The following CCDC66 variants were observed in gnomAD, a reference collection of about 807,000 sequenced individuals.
The protein encoded by CCDC66 is coiled-coil domain containing 66.
CCDC66 carries 133 observed loss-of-function variants against 128.3 expected under a neutral mutation model. The observed-to-expected ratio is 1.04, with a 90% CI of 0.90 to 1.20. The LOEUF (loss-of-function observed/expected upper bound fraction) is 1.20, where lower values mean the gene tolerates loss of function less well. Among genes scored for constraint, CCDC66 ranks in the 50% most tolerant of loss-of-function variants. The pLI, the probability that CCDC66 is intolerant of heterozygous loss-of-function variation, is 0.00. For synonymous variants in CCDC66, 387 were observed against 357.0 expected (o/e 1.08, Z -0.95); for missense variants, 1,126 against 1,075.5 (o/e 1.05, Z -0.66).
At chr3:56,599,133 G>A (rs2072682239) in intron 10 of CCDC66, among the ~76,000 whole-genome samples, 1 of 151,816 alleles carries the variant, frequency 6.6e-6, no homozygotes, top group African/African-American at 2.4e-5. Context: ...ATTTCTTCCT[G>A]ATTCAATCTT....
chr3:56,588,553 C>T (rs796403915), intron 7 of CCDC66, among the ~76,000 whole-genome samples: 16 of 152,314 alleles, frequency 1.1e-4, no homozygotes, highest in African/African-American at 3.8e-4. Context: ...AAAAAGATCT[C>T]ATGAGAACTT....
At chr3:56,603,887 G>C (rs1456338152) in intron 10 of CCDC66, among the ~76,000 whole-genome samples, 2 of 152,036 alleles carry the variant, frequency 1.3e-5, no homozygotes, top group Non-Finnish European at 2.9e-5. Flanking sequence ...ACAGTGGGAT[G>C]TTAAAGTCTC....
At chr3:56,590,324 C>G (rs1392962136) in intron 7 of CCDC66, among the ~76,000 whole-genome samples, 1 of 152,160 alleles carries the variant, frequency 6.6e-6, no homozygotes, top group East Asian at 1.9e-4. Context: ...GTGACTTAAC[C>G]AGCTGCCATT....
intron 3 of CCDC66, among the ~76,000 whole-genome samples, chr3:56,559,929 G>A (rs984844686): frequency 2.0e-5 from 3 of 152,172 alleles, no homozygotes; most frequent in Non-Finnish European, 4.4e-5. Context: ...GTATGACTGA[G>A]CAACTGAATT....
At position 56,617,497 on chromosome 3, in the gene CCDC66, A is replaced by G. The variant is rs1377267643; in HGVS notation, c.2229A>G (p.Glu743=). ...RRQMELLHLV[E]KNNPGHLSQN... is the part of the protein sequence containing the mutation. Reference sequence around the variant, plus strand: ...AGATGGAATTGCTTCATTTGGTAGAAAAAAATAATCCTGGGCACCTCTCTC... The same window carrying G: ...AGATGGAATTGCTTCATTTGGTAGAGAAAAATAATCCTGGGCACCTCTCTC... The change falls in exon 14 of 18, where the codon GAA becomes GAG. Residue 743 remains glutamate, a synonymous_variant. Coordinates refer to ENST00000394672, the MANE Select transcript of CCDC66 (RefSeq NM_001141947.3). 2.5e-6 allele frequency: 4 copies of G among 1,613,986 alleles called. No individual in the cohort carries two copies. Among genetic ancestry groups the G allele is most frequent in the Non-Finnish European group, 3.4e-6 (4 of 1,179,942 alleles).
At chr3:56,596,685 G>C (rs1017023497) in intron 10 of CCDC66, among the ~76,000 whole-genome samples, 1 of 151,266 alleles carries the variant, frequency 6.6e-6, no homozygotes, top group African/African-American at 2.4e-5. Flanking sequence ...GTGTCTTGAA[G>C]TGTTTTCCGT....
intron 16 of CCDC66, 115 bp downstream of exon 16, chr3:56,619,642 A>G: frequency 6.7e-7 from 1 of 1,485,336 alleles, no homozygotes; most frequent in Non-Finnish European, 9.0e-7. Context: ...AGTTTCTTGA[A>G]TATGTCTTAA....
At position 56,600,304 on chromosome 3, in the gene CCDC66, G is replaced by A. The variant is rs778693477; in HGVS notation, c.1404+6276G>A. ...GCTGGGATTATAGGTGCCCGCCACC[G>A]TGCCTGGCTAATTTTTGTATTTTTA... On this transcript the variant is annotated intron_variant, in intron 10 of 17. Transcript: ENST00000394672. Among the ~76,000 whole-genome samples, 27 of 151,426 alleles carry A rather than the reference G, an allele frequency of 1.8e-4. 1 individual carries two copies. Among genetic ancestry groups the A allele is most frequent in the Admixed American group, 3.3e-4 (5 of 15,198 alleles).
chr3:56,567,937 G>A (rs2066103658), intron 6 of CCDC66, among the ~76,000 whole-genome samples: 1 of 152,140 alleles, frequency 6.6e-6, no homozygotes, highest in Non-Finnish European at 1.5e-5. Context: ...TGATCCACCT[G>A]CCTCGGCCTC....
Position 56,594,797 on chromosome 3 carries a change from C to A in CCDC66, c.1404+769C>A, listed in dbSNP as rs556903159. Among the ~76,000 whole-genome samples the A allele has an allele frequency of 2.0e-3, 301 of 152,252 alleles. 12 individuals are homozygous for A. In the South Asian group the frequency reaches 0.058, roughly 29 times the overall value. ...AAGGGACTTTAATATCTGCATAATT[C>A]TTCAAATCCTTTGATATATGAATTT... On this transcript the variant is annotated intron_variant, in intron 10 of 17. Transcript: ENST00000394672.
rs143765852 is a variant in CCDC66, at chr3:56,562,258, C to G, written c.103-1426C>G. Among the ~76,000 whole-genome samples, 481 of 152,112 alleles carry G rather than the reference C, an allele frequency of 3.2e-3. 2 individuals are homozygous for G. Among genetic ancestry groups the G allele is most frequent in the African/African-American group, 0.011 (440 of 41,480 alleles). On this transcript the variant is annotated intron_variant, in intron 3 of 17. Coordinates refer to ENST00000394672, the MANE Select transcript of CCDC66 (RefSeq NM_001141947.3). ...CAGACGGGAGTCTTCCTGTGTTGCC[C>G]AGGCTTGTCTCAAACTCCTGGGCTC...
At chr3:56,592,833 G>A (rs1010319634) in intron 7 of CCDC66, 137 bp from the exon 8 acceptor site, 14 of 766,968 alleles carry the variant, frequency 1.8e-5, no homozygotes, top group South Asian at 1.7e-4. Flanking sequence ...ATTCAAATTC[G>A]TTTGAAGTTA....
At chr3:56,606,644 G>C (rs1211619960) in intron 10 of CCDC66, among the ~76,000 whole-genome samples, 2 of 151,964 alleles carry the variant, frequency 1.3e-5, no homozygotes, top group Non-Finnish European at 2.9e-5. Context: ...AGATGAACTA[G>C]GTACCTAAGT....
chr3:56,618,467 G>A, intron 15 of CCDC66: 1 of 400,690 alleles, frequency 2.5e-6, no homozygotes, highest in Non-Finnish European at 4.5e-6. Flanking sequence ...AAGTGATTTT[G>A]ATATTCCAGG....
intron 14 of CCDC66, 29 bp from the exon 15 acceptor site, chr3:56,618,143 C>T (rs781287033): frequency 6.4e-7 from 1 of 1,570,680 alleles, no homozygotes; most frequent in Non-Finnish European, 8.8e-7. Flanking sequence ...CTATATATTC[C>T]TTTCTGCATT....
At chr3:56,584,456 G>T (rs1416427104) in intron 7 of CCDC66, among the ~76,000 whole-genome samples, 1 of 151,156 alleles carries the variant, frequency 6.6e-6, no homozygotes, top group African/African-American at 2.4e-5. Context: ...CCCAGACGGG[G>T]TCGCGGCCAG....
intron 17 of CCDC66, 117 bp from the exon 18 acceptor site, chr3:56,621,415 T>TGAC: frequency 1.5e-6 from 1 of 680,500 alleles, no homozygotes; most frequent in Non-Finnish European, 2.4e-6. Flanking sequence ...AATTTTTGAA[T>TGAC]GACAAAATTT....
Position 56,621,531 on chromosome 3 carries a change from G to T in CCDC66, c.2761-1G>T, listed in dbSNP as rs4527349. The T allele has an allele frequency of 6.3e-7, 1 of 1,581,384 alleles. No homozygotes were observed. Among genetic ancestry groups the T allele is most frequent in the East Asian group, 2.3e-5 (1 of 44,258 alleles). ...ACAAACATATATCAATGTGATTTCA[G>T]GGCCTTCTCCAGAAGCAAAAGGAGT... On this transcript the variant is annotated splice_acceptor_variant, in intron 17 of 17. Coordinates refer to ENST00000394672, the MANE Select transcript of CCDC66 (RefSeq NM_001141947.3). LOFTEE classifies it high-confidence loss of function.
rs184075662 is a variant in CCDC66 at position 56,604,733 on chromosome 3, C to T, written c.1405-8856C>T. On this transcript the variant is annotated intron_variant, in intron 10 of 17. Transcript: ENST00000394672. ...TTAACATTTTTTCCTCCATTTCAGT[C>T]TTGGTGAATCTGATGATTATGTGTC... Among the ~76,000 whole-genome samples the T allele has an allele frequency of 1.9e-3, 291 of 152,068 alleles. 2 individuals carry two copies. Among genetic ancestry groups the T allele is most frequent in the Middle Eastern group, 0.01 (3 of 294 alleles).
Sources: gnomAD v4.1 joint callset for allele counts (sites outside exome capture counted in the v4.1 genomes callset) on GRCh38, gnomAD v4.1.1 for gene constraint, MANE v1.5 for transcripts, NCBI Gene and HGNC (gene_info 2026-07-23, HGNC 2026-07-21) for gene names.